CKS1B: variants seen among roughly 807,000 people sequenced by gnomAD.
The protein encoded by CKS1B is cyclin-dependent kinases regulatory subunit 1.
Under a neutral mutation model 12.2 loss-of-function variants are expected in CKS1B, and 5 were observed. The observed-to-expected ratio is 0.41, with a 90% CI of 0.21 to 0.86. The LOEUF (loss-of-function observed/expected upper bound fraction) is 0.86, where lower values mean the gene tolerates loss of function less well. Among genes scored for constraint, CKS1B ranks in the 40% least tolerant of loss-of-function variants. CKS1B has a pLI of 0.32. For missense variants in CKS1B, 53 were observed against 99.9 expected (o/e 0.53, Z 2.00); for synonymous variants, 24 against 34.4 (o/e 0.70, Z 1.06).
At chr1:154,976,275 G>A (rs1485293034) in intron 1 of CKS1B, among the ~76,000 whole-genome samples, 1 of 152,188 alleles carries the variant, frequency 6.6e-6, no homozygotes, top group African/African-American at 2.4e-5. Context: ...TGGCATTCGG[G>A]CTTGATAAAT....
intron 1 of CKS1B, among the ~76,000 whole-genome samples, chr1:154,976,026 C>T (rs764018575): frequency 2.6e-5 from 4 of 151,846 alleles, no homozygotes; most frequent in African/African-American, 4.8e-5. Context: ...ACCGAACCCC[C>T]GAGTCAGGAT....
intron 1 of CKS1B, among the ~76,000 whole-genome samples, chr1:154,976,731 A>C (rs1325254665): frequency 2.0e-5 from 3 of 152,206 alleles, no homozygotes; most frequent in Non-Finnish European, 4.4e-5. Context: ...TATGTATTGA[A>C]GCCAAATTTC....
Position 154,974,760 on chromosome 1 carries a change from A to T in CKS1B, c.15A>T (p.Gln5His). Residue 5 changes from glutamine to histidine, a missense_variant, in exon 1 of 3, where the codon CAA (glutamine) becomes CAT (histidine). Physicochemically the swap from Gln to His is conservative, Grantham distance 24. Transcript: ENST00000308987. MSHK[Q>H]IYYSDKYDDE... ...ACCGAGCGATCATGTCGCACAAACA[A>T]ATTTACTATTCGGACAAATACGACG... is the stretch of plus-strand genomic sequence containing the variant. 1 of 1,610,484 alleles carries T rather than the reference A, an allele frequency of 6.2e-7. No homozygotes were observed. Among genetic ancestry groups the T allele is most frequent in the Admixed American group, 1.7e-5 (1 of 59,272 alleles).
chr1:154,975,025 GGA>G (rs1657115799), intron 1 of CKS1B: 19 of 1,239,386 alleles, frequency 1.5e-5, no homozygotes, highest in Non-Finnish European at 2.1e-5. Flanking sequence ...TCAGTAGAGA[GGA>G]GAGAGGGGTG....
rs764318999 is a variant in CKS1B at position 154,974,726 on chromosome 1, G to A, written c.-20G>A. 1.3e-6 allele frequency: 2 copies of A among 1,578,740 alleles called. No individual in the cohort carries two copies. Among genetic ancestry groups the A allele is most frequent in the East Asian group, 2.3e-5 (1 of 43,032 alleles). ...TGGAGGTTGGCGGCGCGGGGCTGAA[G>A]GCTAGCAAACCGAGCGATCATGTCG... On this transcript the variant is annotated 5_prime_UTR_variant, in exon 1 of 3. Transcript: ENST00000308987.
intron 1 of CKS1B, chr1:154,977,692 A>G (rs1571470979): frequency 3.3e-6 from 1 of 306,242 alleles, no homozygotes; most frequent in East Asian, 6.8e-5. Flanking sequence ...GGCTCCCATT[A>G]TGTTGTAGAT....
chr1:154,974,982 A>T, intron 1 of CKS1B, 178 bp downstream of exon 1: 2 of 1,591,178 alleles, frequency 1.3e-6, no homozygotes, highest in Non-Finnish European at 1.7e-6. Flanking sequence ...AGGCGCTCGT[A>T]AAACAAAGTG....
chr1:154,978,766 C>T lies in CKS1B; in HGVS notation c.229C>T (p.Pro77Ser), dbSNP rs1376896585. 1.2e-6 allele frequency: 2 copies of T among 1,611,556 alleles called. No homozygotes were observed. Among genetic ancestry groups the T allele is most frequent in the Non-Finnish European group, 1.7e-6 (2 of 1,177,948 alleles). The change falls in exon 3 of 3, where the codon CCA (proline) becomes TCA (serine). Residue 77 changes from proline to serine, a missense_variant. Transcript: ENST00000308987. ...LLFRRPLPKKPKK is the reference protein window; with the variant it reads ...LLFRRPLPKKSKK ...GTTCCGGCGCCCACTACCCAAGAAA[C>T]CAAAGAAATGAAGCTGGCAAGCTAC...
At position 154,978,672 on chromosome 1, in the gene CKS1B, G is replaced by C. The variant is rs1388234521; in HGVS notation, c.188-53G>C. 4.7e-6 allele frequency: 7 copies of C among 1,481,992 alleles called. No homozygotes were observed. The East Asian group carries it at 1.6e-4, about 33-fold the overall frequency. The allele number at this position is 1,481,992 out of a possible 1,614,324, so 91.8% of individuals were successfully genotyped here. On this transcript the variant is annotated intron_variant, in intron 2 of 2. Transcript: ENST00000308987. ...GAGGTGGTAGTGGAATACACTATAG[G>C]TTGTACATAGAATGGTGTGAGCTTG...
In CKS1B at chr1:154,978,117, C is replaced by A; in HGVS notation, c.187+3C>A. On this transcript the variant is annotated splice_donor_region_variant and intron_variant, in intron 2 of 2. Transcript: ENST00000308987. Reference sequence around the variant, plus strand: ...CCATTATATGATCCATGAACCAGGTCAGTGCACTGGCTAAAAACAACCATA... The same window carrying A: ...CCATTATATGATCCATGAACCAGGTAAGTGCACTGGCTAAAAACAACCATA... 1 of 1,613,670 alleles carries A rather than the reference C, an allele frequency of 6.2e-7. No homozygotes were observed. Among genetic ancestry groups the A allele is most frequent in the East Asian group, 2.2e-5 (1 of 44,846 alleles).
intron 1 of CKS1B, chr1:154,975,247 C>T (rs923380552): frequency 1.2e-5 from 6 of 509,498 alleles, no homozygotes; most frequent in Admixed American, 7.1e-5. Context: ...TGCTTATTAA[C>T]TCGTGAAAAA....
At chr1:154,975,227 A>T in intron 1 of CKS1B, 3 of 553,364 alleles carry the variant, frequency 5.4e-6, no homozygotes, top group East Asian at 3.1e-5. Context: ...GCGCTGAGAG[A>T]GTTGAATATT....
intron 1 of CKS1B, chr1:154,975,132 G>GT: frequency 1.6e-6 from 1 of 609,108 alleles, no homozygotes; most frequent in Admixed American, 2.9e-5. Flanking sequence ...TGTAGAGACT[G>GT]TTTCACAGTA....
chr1:154,974,885 G>A (rs1430564870), intron 1 of CKS1B, 81 bp downstream of exon 1: 2 of 1,614,084 alleles, frequency 1.2e-6, no homozygotes, highest in Non-Finnish European at 1.7e-6. Flanking sequence ...CAGGAACTGA[G>A]GCGATAGAAT....
chr1:154,978,480 G>T, intron 2 of CKS1B: 1 of 558,366 alleles, frequency 1.8e-6, no homozygotes, highest in Non-Finnish European at 3.2e-6. Context: ...ACACCCAGCT[G>T]CCAGGCAAAA....
At position 154,974,813 on chromosome 1, in the gene CKS1B, T is replaced by C. The variant is rs377069357; in HGVS notation, c.59+9T>C. The C allele has an allele frequency of 7.4e-6, 12 of 1,613,924 alleles. No homozygotes were observed. The highest frequency in any genetic ancestry group is 1.0e-5 in the Non-Finnish European group (12 of 1,179,956). On this transcript the variant is annotated intron_variant, in intron 1 of 2. Transcript: ENST00000308987. ...GAGGAGTTTGAGTATCGGTTAGTGC[T>C]GGCGCGGGAGCAATAGCGAGGGTCG... is the stretch of plus-strand genomic sequence containing the variant.
intron 1 of CKS1B, among the ~76,000 whole-genome samples, chr1:154,976,995 A>G (rs1186613587): frequency 6.6e-6 from 1 of 152,190 alleles, no homozygotes. Context: ...ACATCCCTCC[A>G]GAGTTAGGAA....
intron 1 of CKS1B, 61 bp from the exon 2 acceptor site, chr1:154,977,926 T>G: frequency 6.8e-7 from 1 of 1,480,472 alleles, no homozygotes; most frequent in Non-Finnish European, 9.0e-7. Flanking sequence ...AAACAGGCAT[T>G]TGTCTAAGAG....
intron 1 of CKS1B, chr1:154,975,214 G>A (rs902858021): frequency 8.8e-6 from 5 of 570,572 alleles, no homozygotes; most frequent in Non-Finnish European, 1.3e-5. Context: ...TAACAGGAGA[G>A]TAGCGCTGAG....
Sources: allele counts gnomAD v4.1 joint callset (sites outside exome capture counted in the v4.1 genomes callset), GRCh38; gene constraint gnomAD v4.1.1; transcripts MANE v1.5; gene names NCBI Gene and HGNC (gene_info 2026-07-23, HGNC 2026-07-21).